Variants in FSTL4 observed in about 807,000 individuals in gnomAD.
The protein encoded by FSTL4 is follistatin-related protein 4.
A neutral mutation model predicts 78.2 loss-of-function variants in FSTL4; 28 were observed. The observed-to-expected ratio is 0.36, with a 90% CI of 0.27 to 0.49. The LOEUF (loss-of-function observed/expected upper bound fraction) is 0.49, where lower values mean the gene tolerates loss of function less well. Among genes scored for constraint, FSTL4 ranks in the 20% least tolerant of loss-of-function variants. FSTL4 has a pLI of 0.98. For synonymous variants in FSTL4, 422 were observed against 440.5 expected, an observed-to-expected ratio of 0.96 and a Z score of 0.53; for missense variants, 922 against 1,084.9, an observed-to-expected ratio of 0.85 and a Z score of 2.11.
At chr5:133,223,499 T>C (rs1205228676) in intron 11 of FSTL4, among the ~76,000 whole-genome samples, 2 of 152,148 alleles carry the variant, frequency 1.3e-5, no homozygotes, top group South Asian at 2.1e-4. Context: ...ACAAGGGGAT[T>C]TGGACTCAGA....
chr5:133,630,782 C>A, the FSTL4 span, among the ~76,000 whole-genome samples: 1 of 152,232 alleles, frequency 6.6e-6, no homozygotes, highest in East Asian at 1.9e-4. Context: ...TGTACTGGTA[C>A]CAAAACTGAT....
intron 6 of FSTL4, among the ~76,000 whole-genome samples, chr5:133,279,721 T>C (rs1009368098): frequency 1.3e-5 from 2 of 152,226 alleles, no homozygotes; most frequent in African/African-American, 4.8e-5. Flanking sequence ...TTGGGGCCTA[T>C]GGTGGGTTGA....
At chr5:133,794,344 T>A in the FSTL4 span, among the ~76,000 whole-genome samples, 1 of 152,288 alleles carries the variant, frequency 6.6e-6, no homozygotes, top group Non-Finnish European at 1.5e-5. Context: ...AGCATATCCA[T>A]CAGGAGTCAA....
chr5:133,275,019 T>C (rs1443316991), intron 6 of FSTL4, among the ~76,000 whole-genome samples: 3 of 152,188 alleles, frequency 2.0e-5, no homozygotes, highest in African/African-American at 7.2e-5. Context: ...CCCAGCACTT[T>C]GGGAGGCCGA....
rs145213305 is a variant in FSTL4 at position 133,419,318 on chromosome 5, C to T, written c.161-18332G>A. On this transcript the variant is annotated intron_variant, in intron 3 of 15. Coordinates refer to ENST00000265342, the MANE Select transcript of FSTL4 (RefSeq NM_015082.2). ...TATTTTTAGTAGAGACAGGGTTTCA[C>T]CACATTGGCCAGGATGGTCTCAATA... is the stretch of plus-strand genomic sequence containing the variant. 2.4e-3 allele frequency among the ~76,000 whole-genome samples: 365 copies of T among 152,208 alleles called. 2 individuals are homozygous for T. The highest frequency in any genetic ancestry group is 8.4e-3 in the African/African-American group (350 of 41,524).
At chr5:133,249,905 C>T (rs371043068) in intron 6 of FSTL4, among the ~76,000 whole-genome samples, 27 of 152,280 alleles carry the variant, frequency 1.8e-4, no homozygotes, top group Non-Finnish European at 1.9e-4. Flanking sequence ...ACAGAGAGAC[C>T]GGGGGGCAGG....
intron 5 of FSTL4, 61 bp from the exon 6 acceptor site, chr5:133,312,838 T>G: frequency 6.4e-7 from 1 of 1,568,596 alleles, no homozygotes; most frequent in South Asian, 1.1e-5. Context: ...TAGGCATTGA[T>G]GAAAATGACT....
At chr5:133,417,958 TAAAAAAAAAAAAAAA>T (rs527415337) in intron 3 of FSTL4, among the ~76,000 whole-genome samples, 10 of 51,130 alleles carry the variant, frequency 2.0e-4, no homozygotes, top group African/African-American at 4.5e-4. Flanking sequence ...GACTCCATCT[TAAAAAAAAAAAAAAA>T]AAAAAAAAAA....
chr5:133,622,547 T>C, the FSTL4 span, among the ~76,000 whole-genome samples: 9 of 152,232 alleles, frequency 5.9e-5, no homozygotes, highest in African/African-American at 2.2e-4. Context: ...GTTACCTTCC[T>C]ACTAGTAATG....
intron 3 of FSTL4, among the ~76,000 whole-genome samples, chr5:133,497,494 A>G (rs1290914070): frequency 1.3e-5 from 2 of 152,152 alleles, no homozygotes; most frequent in Middle Eastern, 3.2e-3. Flanking sequence ...AAGCCTCTGC[A>G]TCCCCTTCAG....
intron 6 of FSTL4, among the ~76,000 whole-genome samples, chr5:133,281,493 CTG>C (rs1220586379): frequency 6.6e-6 from 1 of 152,116 alleles, no homozygotes; most frequent in East Asian, 1.9e-4. Flanking sequence ...GATGAGAAAA[CTG>C]AGACTCAGAG....
chr5:133,481,532 A>G (rs1758027976), intron 3 of FSTL4, among the ~76,000 whole-genome samples: 1 of 124,904 alleles, frequency 8.0e-6, no homozygotes, highest in South Asian at 2.7e-4. Context: ...ACAGAGTGAG[A>G]CTGTCTCAAA....
the FSTL4 span, among the ~76,000 whole-genome samples, chr5:133,799,374 T>C: frequency 5.4e-3 from 750 of 138,582 alleles, 128 homozygotes; most frequent in African/African-American, 0.019. Flanking sequence ...AAAGAACTTA[T>C]GAGGTCACTA....
At chr5:133,439,494 C>A (rs182368002) in intron 3 of FSTL4, among the ~76,000 whole-genome samples, 5 of 152,088 alleles carry the variant, frequency 3.3e-5, no homozygotes, top group East Asian at 3.8e-4. Flanking sequence ...TCCTTTCTAC[C>A]GCTAAAAAGA....
intron 4 of FSTL4, among the ~76,000 whole-genome samples, chr5:133,345,606 G>A (rs1461585741): frequency 6.6e-6 from 1 of 152,106 alleles, no homozygotes; most frequent in Non-Finnish European, 1.5e-5. Flanking sequence ...TGTACAAGGT[G>A]TAAGGAAGGA....
At chr5:133,636,189 A>T in the FSTL4 span, among the ~76,000 whole-genome samples, 1 of 152,260 alleles carries the variant, frequency 6.6e-6, no homozygotes, top group Non-Finnish European at 1.5e-5. Flanking sequence ...ACCAAGAATC[A>T]AAGACCCAGA....
chr5:133,750,358 C>T, the FSTL4 span, among the ~76,000 whole-genome samples: 3 of 152,328 alleles, frequency 2.0e-5, no homozygotes, highest in African/African-American at 4.8e-5. Flanking sequence ...AGAATCACTG[C>T]ACACTTTCTG....
chr5:133,210,341 G>A (rs777482293), intron 13 of FSTL4, 43 bp from the exon 14 acceptor site: 6 of 1,157,896 alleles, frequency 5.2e-6, no homozygotes, highest in Admixed American at 1.7e-5. Context: ...TGACATGATG[G>A]TCATTTCTGG....
chr5:133,663,806 G>T, the FSTL4 span, among the ~76,000 whole-genome samples: 47 of 152,358 alleles, frequency 3.1e-4, no homozygotes, highest in African/African-American at 1.1e-3. Flanking sequence ...AAGCTGCGGG[G>T]TCCTCAGACC....
Sources: gnomAD v4.1 joint callset for allele counts (sites outside exome capture counted in the v4.1 genomes callset) on GRCh38, gnomAD v4.1.1 for gene constraint, MANE v1.5 for transcripts, NCBI Gene and HGNC (gene_info 2026-07-23, HGNC 2026-07-21) for gene names.